The following MYBPC3 variants were observed in gnomAD, a reference collection of about 807,000 sequenced individuals.
MYBPC3 encodes the protein myosin-binding protein C, cardiac-type.
MYBPC3 carries 108 observed loss-of-function variants against 159.3 expected under a neutral mutation model. That is an observed-to-expected ratio of 0.68 (90% CI 0.58 to 0.80). The LOEUF (loss-of-function observed/expected upper bound fraction) is 0.80. Among genes scored for constraint, MYBPC3 ranks in the 30% least tolerant of loss-of-function variants. The probability of loss-of-function intolerance (pLI) is 0.00; values close to 1 mark genes in which losing one functional copy is unlikely to be tolerated. For missense variants in MYBPC3, 1,631 were observed against 1,762.1 expected (o/e 0.93, Z 1.33); for synonymous variants, 730 against 702.0 (o/e 1.04, Z -0.63).
In MYBPC3 at chr11:47,337,793, G is replaced by A. The variant is rs397515959; in HGVS notation, c.2310C>T (p.Asp770=). The A allele has an allele frequency of 1.8e-5, 28 of 1,550,638 alleles. No individual in the cohort carries two copies. Among genetic ancestry groups the A allele is most frequent in the African/African-American group, 2.7e-5 (2 of 73,026 alleles). ...DQVNLTVKVI[D]VPDAPAAPKI... Reference sequence around the variant, plus strand: ...TGGGGGCCGCAGGTGCGTCTGGCACGTCTGGATGGGGTGGGATGGACCCAC... The same window carrying A: ...TGGGGGCCGCAGGTGCGTCTGGCACATCTGGATGGGGTGGGATGGACCCAC... Residue 770 remains aspartate (D), a splice_region_variant and synonymous_variant, in exon 24 of 35, where the codon GAC becomes GAT. Transcript: ENST00000545968.
chr11:47,352,163 G>A (rs79594882), intron 1 of MYBPC3, among the ~76,000 whole-genome samples: 1 of 152,140 alleles, frequency 6.6e-6, no homozygotes, highest in South Asian at 2.1e-4. Context: ...ACAGCCAGGA[G>A]GAACCAACCC....
Position 47,343,563 on chromosome 11 carries a change from G to T in MYBPC3, c.1152C>A (p.Thr384=). 1 of 1,609,688 alleles carries T rather than the reference G, an allele frequency of 6.2e-7. No individual in the cohort carries two copies. Residue 384 remains threonine (T), a synonymous_variant, in exon 13 of 35, where the codon ACC becomes ACA. Transcript: ENST00000545968. ...QVSKGHKIRL[T]VELADHDAEV... is the part of the protein sequence containing the mutation. ...CAGCGTCATGGTCAGCCAGTTCCAC[G>T]GTCAGCCGGATCTTGTGGCCTTTGC...
At chr11:47,344,868 G>A (rs533363157) in intron 12 of MYBPC3, among the ~76,000 whole-genome samples, 1 of 152,328 alleles carries the variant, frequency 6.6e-6, no homozygotes, top group African/African-American at 2.4e-5. Flanking sequence ...CTGACTCACT[G>A]CAACCTCTGC....
chr11:47,337,073 C>T (rs2095882997), intron 25 of MYBPC3, among the ~76,000 whole-genome samples: 1 of 152,250 alleles, frequency 6.6e-6, no homozygotes, highest in Non-Finnish European at 1.5e-5. Context: ...CCCATATCAT[C>T]CTAACAGCTC....
At chr11:47,334,099 A>G in intron 27 of MYBPC3, 89 bp from the exon 28 acceptor site, 1 of 1,306,154 alleles carries the variant, frequency 7.7e-7, no homozygotes, top group African/African-American at 1.5e-5. Flanking sequence ...CAAGGCCCAG[A>G]GAGCTGCAGC....
chr11:47,347,892 G>A lies in MYBPC3; in HGVS notation c.786C>T (p.Thr262=), dbSNP rs11570058. ...AGGCTGATAGGAGGTCCAGGTCTCCGGTGCCCATGGCCTCTGGGTTCAAAG... is the reference window on the plus strand; with the variant it reads ...AGGCTGATAGGAGGTCCAGGTCTCCAGTGCCCATGGCCTCTGGGTTCAAAG... ...FNLTVHEAMG[T]GDLDLLSAFR... The change falls in exon 7 of 35, where the codon ACC becomes ACT. Residue 262 remains threonine (T), a synonymous_variant. Transcript: ENST00000545968. The A allele has an allele frequency of 0.11, 178,813 of 1,571,980 alleles. 11,203 individuals are homozygous for A. Among genetic ancestry groups the A allele is most frequent in the Non-Finnish European group, 0.13 (149,459 of 1,158,956 alleles).
intron 7 of MYBPC3, 25 bp downstream of exon 7, chr11:47,347,832 C>A: frequency 6.4e-7 from 1 of 1,557,884 alleles, no homozygotes; most frequent in African/African-American, 1.4e-5. Context: ...CTGGCCTCCC[C>A]CAGGCCCTGA....
In MYBPC3 at chr11:47,333,602, T is replaced by C. The variant is rs1427129763; in HGVS notation, c.3145A>G (p.Ile1049Val). The C allele has an allele frequency of 1.2e-6, 2 of 1,603,098 alleles. No individual in the cohort carries two copies. The highest frequency in any genetic ancestry group is 1.1e-5 in the South Asian group (1 of 91,090). ...HSGTYQVTVRIENMEDKATLV... is the reference protein window; with the variant it reads ...HSGTYQVTVRVENMEDKATLV... ...GTGGCCTTGTCCTCCATGTTCTCAA[T>C]GCGCACCGTCACCTGGTAAGTGCCT... Residue 1049 changes from isoleucine to valine, a missense_variant, in exon 29 of 35, where the codon ATT (isoleucine) becomes GTT (valine). Ile to Val is a conservative substitution (Grantham distance 29, BLOSUM62 3). Coordinates refer to ENST00000545968, the MANE Select transcript of MYBPC3 (RefSeq NM_000256.3).
intron 29 of MYBPC3, 56 bp from the exon 30 acceptor site, chr11:47,333,389 C>T (rs771157317): frequency 1.5e-4 from 231 of 1,507,138 alleles, no homozygotes; most frequent in Non-Finnish European, 1.9e-4. Context: ...AGCAGGGGGT[C>T]ACTGGCTCCA....
intron 12 of MYBPC3, among the ~76,000 whole-genome samples, chr11:47,345,764 G>A (rs2142863737): frequency 6.6e-6 from 1 of 152,286 alleles, no homozygotes; most frequent in South Asian, 2.1e-4. Context: ...GCCTGTGTGT[G>A]GCTCTCCAGG....
chr11:47,339,232 C>T, intron 22 of MYBPC3, 92 bp downstream of exon 22: 2 of 1,397,144 alleles, frequency 1.4e-6, no homozygotes, highest in Non-Finnish European at 2.0e-6. Flanking sequence ...AAGTGTGGCA[C>T]CTCCATGGAG....
In MYBPC3 at chr11:47,351,792, C is replaced by T. The variant is rs1163910862; in HGVS notation, c.26-287G>A. On this transcript the variant is annotated intron_variant, in intron 1 of 34. Coordinates refer to ENST00000545968, the MANE Select transcript of MYBPC3 (RefSeq NM_000256.3). The surrounding 1 kb of genome is among the most constrained non-coding windows in gnomAD (Gnocchi z 4.2). Reference sequence around the variant, plus strand: ...CTTTTTCTGCATGTGTCCACTTTCCCTGCTTGGAGACACCCGTGATGAACC... The same window carrying T: ...CTTTTTCTGCATGTGTCCACTTTCCTTGCTTGGAGACACCCGTGATGAACC... Among the ~76,000 whole-genome samples, 1 of 152,180 alleles carries T rather than the reference C, an allele frequency of 6.6e-6. No individual in the cohort carries two copies. Among genetic ancestry groups the T allele is most frequent in the Non-Finnish European group, 1.5e-5 (1 of 68,030 alleles).
rs374255707 is a variant in MYBPC3 at position 47,342,914 on chromosome 11, C to G, written c.1373G>C (p.Arg458Pro). ...CATCACCAGCTGGTCCTCCAAGGGGCGCGTGATGAGCACAGGGGGCTCTGT... is the reference window on the plus strand; with the variant it reads ...CATCACCAGCTGGTCCTCCAAGGGGGGCGTGATGAGCACAGGGGGCTCTGT... Reference protein sequence around the residue: ...FVKEPPVLITRPLEDQLVMVG... With the variant: ...FVKEPPVLITPPLEDQLVMVG... The change falls in exon 16 of 35, where the codon CGC (arginine) becomes CCC (proline). Residue 458 changes from arginine to proline, a missense_variant. Arg to Pro is a moderately radical substitution (Grantham distance 103). Coordinates refer to ENST00000545968, the MANE Select transcript of MYBPC3 (RefSeq NM_000256.3). 6.2e-7 allele frequency: 1 copy of G among 1,611,958 alleles called. No individual in the cohort carries two copies. Among genetic ancestry groups the G allele is most frequent in the South Asian group, 1.1e-5 (1 of 90,730 alleles).
Position 47,338,490 on chromosome 11 carries a change from T to C in MYBPC3, c.2308+30A>G. ...CCCTCCTTGGGGCTGCCCCTCTGTGTTCTCCAGCTTGGACCCCGGCCGGCC... is the reference window on the plus strand; with the variant it reads ...CCCTCCTTGGGGCTGCCCCTCTGTGCTCTCCAGCTTGGACCCCGGCCGGCC... On this transcript the variant is annotated intron_variant, in intron 23 of 34. Coordinates refer to ENST00000545968, the MANE Select transcript of MYBPC3 (RefSeq NM_000256.3). The surrounding 1 kb of genome is among the most constrained non-coding windows in gnomAD (Gnocchi z 4.7). The C allele has an allele frequency of 6.2e-7, 1 of 1,613,696 alleles. No homozygotes were observed.
intron 6 of MYBPC3, 25 bp downstream of exon 6, chr11:47,348,399 A>G (rs766415454): frequency 6.4e-7 from 1 of 1,551,528 alleles, no homozygotes. Context: ...GCCCGAGCCC[A>G]GGACAGACAC....
At chr11:47,337,969 T>G (rs1239607502) in intron 23 of MYBPC3, among the ~76,000 whole-genome samples, 175 bp from the exon 24 acceptor site, 2 of 150,070 alleles carry the variant, frequency 1.3e-5, no homozygotes, top group Non-Finnish European at 3.0e-5. Context: ...TTTTTTTTTT[T>G]TTAGTGATAT....
chr11:47,333,622 G>A lies in MYBPC3; in HGVS notation c.3125C>T (p.Thr1042Ile). ...IRAARRVHSG[T>I]YQVTVRIENM... ...CTCAATGCGCACCGTCACCTGGTAA[G>A]TGCCTGAATGCACGCGGCGAGCGGC... is the stretch of plus-strand genomic sequence containing the variant. Residue 1042 changes from threonine (T) to isoleucine (I), a missense_variant, in exon 29 of 35, where the codon ACT becomes ATT. Coordinates refer to ENST00000545968, the MANE Select transcript of MYBPC3 (RefSeq NM_000256.3). The A allele has an allele frequency of 1.9e-6, 3 of 1,605,958 alleles. No homozygotes were observed. Among genetic ancestry groups the A allele is most frequent in the Non-Finnish European group, 2.5e-6 (3 of 1,179,824 alleles).
rs730880630 is a variant in MYBPC3 at position 47,346,294 on chromosome 11, G to T, written c.1003C>A (p.Arg335Ser). Residue 335 changes from arginine to serine, a missense_variant, in exon 12 of 35, where the codon CGC becomes AGC. By Grantham distance (110) the Arg-to-Ser change is moderately radical. Transcript: ENST00000545968. This position sits in a 1 kb window ranked among gnomAD's most constrained non-coding sequence, Gnocchi z 5.3. ...LRQAPPSEYE[R>S]IAFQYGVTDL... Reference sequence around the variant, plus strand: ...GTGACGCCGTACTGGAAGGCGATGCGCTCGTACTCAGATGGGGGTGCCTGC... The same window carrying T: ...GTGACGCCGTACTGGAAGGCGATGCTCTCGTACTCAGATGGGGGTGCCTGC... 2 of 1,613,460 alleles carry T rather than the reference G, an allele frequency of 1.2e-6. No homozygotes were observed. Among genetic ancestry groups the T allele is most frequent in the African/African-American group, 1.3e-5 (1 of 75,048 alleles).
rs1248057767 is a variant in MYBPC3, at chr11:47,342,065, A to G, written c.1716T>C (p.Asn572=). ...AVFKCEVSDE[N]VRGVWLKNGK... ...CATTCTTCAGCCACACACCCCGAAC[A>G]TTCTCATCTGAGACCTCACATTTGA... is the stretch of plus-strand genomic sequence containing the variant. Residue 572 remains asparagine (N), a synonymous_variant, in exon 18 of 35, where the codon AAT becomes AAC. Transcript: ENST00000545968. 1.9e-6 allele frequency: 3 copies of G among 1,613,308 alleles called. No homozygotes were observed. Among genetic ancestry groups the G allele is most frequent in the Non-Finnish European group, 2.5e-6 (3 of 1,179,656 alleles).
Sources: allele counts gnomAD v4.1 joint callset (sites outside exome capture counted in the v4.1 genomes callset), GRCh38; gene constraint gnomAD v4.1.1; non-coding constraint Gnocchi (gnomAD v3.1); transcripts MANE v1.5; gene names NCBI Gene and HGNC (gene_info 2026-07-23, HGNC 2026-07-21).